The following ZNF292 variants were observed in gnomAD, a reference collection of about 807,000 sequenced individuals.
The protein encoded by ZNF292 is 16 zinc-finger domain protein.
A neutral mutation model predicts 217.9 loss-of-function variants in ZNF292; 26 were observed. That is an observed-to-expected ratio of 0.12 (90% CI 0.09 to 0.17). The LOEUF (loss-of-function observed/expected upper bound fraction) is 0.17. ZNF292 is among the 10% of genes least tolerant of loss of function. The pLI is 1.00. For missense variants in ZNF292, 2,904 were observed against 3,175.2 expected, an observed-to-expected ratio of 0.91 and a Z score of 2.05; for synonymous variants, 1,257 against 1,124.1, an observed-to-expected ratio of 1.12 and a Z score of -2.37.
chr6:87,260,264 A>G lies in ZNF292; in HGVS notation c.6635A>G (p.Asp2212Gly). 1 of 1,613,664 alleles carries G rather than the reference A, an allele frequency of 6.2e-7. No individual in the cohort carries two copies. The highest frequency in any genetic ancestry group is 2.2e-5 in the East Asian group (1 of 44,884). The stretch of plus-strand genomic sequence containing the variant: ...ATTGAAAGTATGACTGCTTCAGTGG[A>G]TGTTGGGAAGTTTCCATGTGACCAG... ...EEIESMTASV[D>G]VGKFPCDQLE... Residue 2212 changes from aspartate to glycine, a missense_variant, in exon 8 of 8, where the codon GAT becomes GGT. This residue lies in a region of ZNF292 where 261 missense variants were observed against 272.8 expected (regional missense o/e 0.96). Coordinates refer to ENST00000369577, the MANE Select transcript of ZNF292 (RefSeq NM_015021.3).
chr6:87,252,904 A>T (rs936878258), intron 7 of ZNF292, among the ~76,000 whole-genome samples: 2 of 151,086 alleles, frequency 1.3e-5, no homozygotes, highest in Admixed American at 6.6e-5. Flanking sequence ...GTCATTTTTT[A>T]TTTTTTTATT....
At chr6:87,155,825 T>A (rs868361125) in intron 1 of ZNF292, 66 bp downstream of exon 1, 26 of 1,469,128 alleles carry the variant, frequency 1.8e-5, no homozygotes, top group Non-Finnish European at 2.3e-5. Context: ...GAGCGAGCGC[T>A]AGGCGGCCGA....
chr6:87,228,086 C>G (rs1490955845), intron 4 of ZNF292, among the ~76,000 whole-genome samples: 1 of 152,060 alleles, frequency 6.6e-6, no homozygotes, highest in Non-Finnish European at 1.5e-5. Context: ...CCAGTTAATC[C>G]ACATCCTCAC....
rs1313156154 is a variant in ZNF292, at chr6:87,218,650, A to G, written c.457A>G (p.Thr153Ala). The stretch of plus-strand genomic sequence containing the variant: ...CAGCTGTGAATTGCATTTTTTAGCT[A>G]CTCTAGCTCAAGAGACTGGGGTGTG... ...NGSCELHFLA[T>A]LAQETGVWKN... is the part of the protein sequence containing the mutation. The change falls in exon 4 of 8, where the codon ACT (threonine) becomes GCT (alanine). Residue 153 changes from threonine to alanine, a missense_variant. Thr to Ala is a moderately conservative substitution (Grantham distance 58). This residue lies in a region of ZNF292 where 313 missense variants were observed against 451.0 expected (regional missense o/e 0.69). Coordinates refer to ENST00000369577, the MANE Select transcript of ZNF292 (RefSeq NM_015021.3). 5.7e-6 allele frequency: 9 copies of G among 1,583,204 alleles called. No individual in the cohort carries two copies. The African/African-American group carries it at 1.2e-4, about 21-fold the overall frequency.
chr6:87,179,156 G>T (rs1771389443), intron 1 of ZNF292, among the ~76,000 whole-genome samples: 1 of 87,296 alleles, frequency 1.1e-5, no homozygotes, highest in African/African-American at 6.3e-5. Context: ...TGATATATGT[G>T]GCTTTTTTTT....
chr6:87,207,148 A>G lies in ZNF292; in HGVS notation c.169-8755A>G, dbSNP rs149982530. Among the ~76,000 whole-genome samples, 82 of 152,336 alleles carry G rather than the reference A, an allele frequency of 5.4e-4. No individual in the cohort carries two copies. In the East Asian group the frequency reaches 0.014, roughly 25 times the overall value. On this transcript the variant is annotated intron_variant, in intron 1 of 7. Coordinates refer to ENST00000369577, the MANE Select transcript of ZNF292 (RefSeq NM_015021.3). Reference sequence around the variant, plus strand: ...TTCTAACAGCTCAGTTCATTTGGGTACAGTTGTCTGCTTTCACCTAATGTT... The same window carrying G: ...TTCTAACAGCTCAGTTCATTTGGGTGCAGTTGTCTGCTTTCACCTAATGTT...
chr6:87,250,038 A>AC (rs1774832746), intron 7 of ZNF292, among the ~76,000 whole-genome samples: 1 of 65,818 alleles, frequency 1.5e-5, no homozygotes, highest in African/African-American at 5.4e-5. Context: ...AAAAAAAAAC[A>AC]AAAAAAAAAA....
At chr6:87,166,770 G>A (rs1020207915) in intron 1 of ZNF292, among the ~76,000 whole-genome samples, 1 of 152,146 alleles carries the variant, frequency 6.6e-6, no homozygotes, top group Non-Finnish European at 1.5e-5. Context: ...TCATAAATAT[G>A]TATGCATTTG....
At chr6:87,249,550 G>A (rs1019776804) in intron 7 of ZNF292, 1 of 161,546 alleles carries the variant, frequency 6.2e-6, no homozygotes, top group Non-Finnish European at 1.4e-5. Context: ...ATCTGATCAA[G>A]CAGAGGTTTT....
chr6:87,165,391 A>G (rs1358725731), intron 1 of ZNF292, among the ~76,000 whole-genome samples: 1 of 152,178 alleles, frequency 6.6e-6, no homozygotes, highest in Non-Finnish European at 1.5e-5. Flanking sequence ...GAAATGGTAA[A>G]CACTTCTGGT....
At chr6:87,238,756 A>G (rs1374997606) in intron 5 of ZNF292, among the ~76,000 whole-genome samples, 3 of 151,070 alleles carry the variant, frequency 2.0e-5, no homozygotes, top group Non-Finnish European at 2.9e-5. Context: ...TCATAGGACA[A>G]TAGTGGAGGG....
intron 1 of ZNF292, among the ~76,000 whole-genome samples, chr6:87,169,335 C>T (rs1413928905): frequency 2.0e-5 from 3 of 152,032 alleles, no homozygotes; most frequent in African/African-American, 7.2e-5. Context: ...GCCACTGCGC[C>T]CAGCCTCCTT....
intron 3 of ZNF292, among the ~76,000 whole-genome samples, chr6:87,216,955 A>G (rs1002324192): frequency 5.3e-5 from 8 of 152,058 alleles, no homozygotes; most frequent in Admixed American, 5.2e-4. Context: ...GGTACTACAC[A>G]ATTTAGCAGT....
At chr6:87,253,897 C>T (rs1775063947) in intron 7 of ZNF292, among the ~76,000 whole-genome samples, 1 of 152,168 alleles carries the variant, frequency 6.6e-6, no homozygotes, top group Non-Finnish European at 1.5e-5. Flanking sequence ...TATCTCTTTA[C>T]TCCATGTGTC....
At chr6:87,155,848 G>A (rs1270087863) in intron 1 of ZNF292, 89 bp downstream of exon 1, 2 of 1,415,156 alleles carry the variant, frequency 1.4e-6, no homozygotes, top group African/African-American at 1.5e-5. Context: ...GGTGGTCGCC[G>A]CTTCCTTGGC....
rs1274709021 is a variant in ZNF292 at position 87,257,189 on chromosome 6, T to C, written c.3560T>C (p.Val1187Ala). The change falls in exon 8 of 8, where the codon GTC becomes GCC. Residue 1187 changes from valine (V) to alanine (A), a missense_variant. By Grantham distance (64) the Val-to-Ala change is moderately conservative. Transcript: ENST00000369577. Reference sequence around the variant, plus strand: ...GCTTGTTCGGCCCAGTTGCAGCATGTCTCGCCACCCATTTTTCCAGCTCAT... The same window carrying C: ...GCTTGTTCGGCCCAGTTGCAGCATGCCTCGCCACCCATTTTTCCAGCTCAT... ...NPACSAQLQH[V>A]SPPIFPAHLA... The C allele has an allele frequency of 6.2e-7, 1 of 1,613,932 alleles. No homozygotes were observed. The highest frequency in any genetic ancestry group is 1.7e-5 in the Admixed American group (1 of 59,982).
Position 87,256,497 on chromosome 6 carries a change from C to G in ZNF292, c.2868C>G (p.Asn956Lys). ...AGGATAACTTTGGAAAGCAAGAAAA[C>G]TCAACTGTGGAAGGCAGTGGTGAAG... ...GIEDNFGKQENSTVEGSGEAL... is the reference protein window; with the variant it reads ...GIEDNFGKQEKSTVEGSGEAL... Residue 956 changes from asparagine (N) to lysine (K), a missense_variant, in exon 8 of 8, where the codon AAC becomes AAG. Asn to Lys is a moderately conservative substitution (Grantham distance 94). Around this residue, in one of 15 missense-constraint regions of ZNF292, gnomAD observed 687 missense variants for 623.0 expected, o/e 1.10. Transcript: ENST00000369577. The G allele has an allele frequency of 6.2e-7, 1 of 1,611,912 alleles. No individual in the cohort carries two copies. Among genetic ancestry groups the G allele is most frequent in the Non-Finnish European group, 8.5e-7 (1 of 1,179,814 alleles).
intron 1 of ZNF292, among the ~76,000 whole-genome samples, chr6:87,204,090 A>G (rs1772172614): frequency 6.6e-6 from 1 of 152,232 alleles, no homozygotes; most frequent in Non-Finnish European, 1.5e-5. Context: ...AAGAGAAAAT[A>G]CTAAAGCCAA....
Position 87,176,261 on chromosome 6 carries a change from A to G in ZNF292, c.168+20502A>G, listed in dbSNP as rs187665010. Among the ~76,000 whole-genome samples, 576 of 152,314 alleles carry G rather than the reference A, an allele frequency of 3.8e-3. 4 individuals are homozygous for G. The highest frequency in any genetic ancestry group is 0.013 in the African/African-American group (523 of 41,574). On this transcript the variant is annotated intron_variant, in intron 1 of 7. Transcript: ENST00000369577. ...CCCAAAGATACAGGGAAACCTGTGT[A>G]TTTCAGTGCTTGGATTTGATGAAGA...
Sources: gnomAD v4.1 joint callset for allele counts (sites outside exome capture counted in the v4.1 genomes callset) on GRCh38, gnomAD v4.1.1 for gene constraint, gnomAD v4.1.1 regional missense constraint, MANE v1.5 for transcripts, NCBI Gene and HGNC (gene_info 2026-07-23, HGNC 2026-07-21) for gene names.